FAAH2: variants seen among roughly 807,000 people sequenced by gnomAD.
FAAH2 encodes fatty-acid amide hydrolase 2.
In FAAH2, 60 loss-of-function variants were observed where a neutral mutation model predicts 36.9. That is an observed-to-expected ratio of 1.63 (90% CI 1.32 to 2.02). The LOEUF (loss-of-function observed/expected upper bound fraction) is 2.02, where lower values mean the gene tolerates loss of function less well. Among genes scored for constraint, FAAH2 ranks in the 30% most tolerant of loss-of-function variants. FAAH2 has a pLI of 0.00. For synonymous variants in FAAH2, 214 were observed against 143.8 expected (o/e 1.49, Z -3.49); for missense variants, 689 against 397.5 (o/e 1.73, Z -6.23).
chrX:57,216,934 A>G, the FAAH2 span, among the ~76,000 whole-genome samples: 3 of 108,455 alleles, frequency 2.8e-5, no homozygotes, highest in African/African-American at 1.0e-4. Flanking sequence ...TTACACCAAC[A>G]TCTACTGTTT....
chrX:57,416,701 T>C (rs2055853649), intron 7 of FAAH2, among the ~76,000 whole-genome samples: 1 of 111,614 alleles, frequency 9.0e-6, no homozygotes, highest in Admixed American at 9.6e-5. Flanking sequence ...GACGATTATG[T>C]GTCTTGGGGT....
chrX:57,255,249 T>A, the FAAH2 span, among the ~76,000 whole-genome samples: 2 of 111,173 alleles, frequency 1.8e-5, no homozygotes, highest in African/African-American at 6.5e-5. Context: ...CTCTGAGTAG[T>A]CTAATAACAG....
intron 7 of FAAH2, among the ~76,000 whole-genome samples, chrX:57,403,958 C>A (rs1165492147): frequency 2.7e-5 from 3 of 112,708 alleles, no homozygotes; most frequent in African/African-American, 9.7e-5. Flanking sequence ...TACCTTTTTG[C>A]TTTTTTGACT....
intron 8 of FAAH2, among the ~76,000 whole-genome samples, chrX:57,433,913 T>C (rs1167740149): frequency 2.7e-5 from 3 of 111,451 alleles, no homozygotes; most frequent in Non-Finnish European, 3.8e-5. Flanking sequence ...CCCTGGTTGC[T>C]CAGAAATCAA....
chrX:57,464,914 C>A (rs1274419386), intron 10 of FAAH2, among the ~76,000 whole-genome samples: 1 of 111,506 alleles, frequency 9.0e-6, no homozygotes, highest in Non-Finnish European at 1.9e-5. Context: ...ATTCTTTTAT[C>A]TTGGACTTAG....
intron 5 of FAAH2, among the ~76,000 whole-genome samples, chrX:57,349,140 A>C (rs1262714433): frequency 1.2e-5 from 1 of 84,638 alleles, no homozygotes; most frequent in African/African-American, 3.8e-5. Flanking sequence ...TATATATATT[A>C]TATACATATA....
At chrX:57,262,652 G>C in the FAAH2 span, among the ~76,000 whole-genome samples, 1 of 111,230 alleles carries the variant, frequency 9.0e-6, no homozygotes, top group African/African-American at 3.3e-5. Context: ...TCTAAATAAA[G>C]ATAGTCTAAT....
At chrX:57,414,745 C>G (rs1047372061) in intron 7 of FAAH2, among the ~76,000 whole-genome samples, 36 of 109,979 alleles carry the variant, frequency 3.3e-4, no homozygotes, top group African/African-American at 1.1e-3. Flanking sequence ...TGAGTTAGGG[C>G]GGATTCCCTC....
At position 57,292,540 on chromosome X, in the gene FAAH2, A is replaced by G. The variant is rs1205325585; in HGVS notation, c.235A>G (p.Lys79Glu). Residue 79 changes from lysine to glutamate, a missense_variant, in exon 2 of 11, where the codon AAG becomes GAG. Coordinates refer to ENST00000374900, the MANE Select transcript of FAAH2 (RefSeq NM_174912.4). Reference protein sequence around the residue: ...DVVQAYINRIKDVNPMINGIV... With the variant: ...DVVQAYINRIEDVNPMINGIV... ...TGTTCAGGCTTATATCAACAGAATCAAGGACGTGAACCCAATGATCAATGG... is the reference window on the plus strand; with the variant it reads ...TGTTCAGGCTTATATCAACAGAATCGAGGACGTGAACCCAATGATCAATGG... The G allele has an allele frequency of 1.7e-6, 2 of 1,210,322 alleles. No homozygotes were observed. Among genetic ancestry groups the G allele is most frequent in the South Asian group, 1.8e-5 (1 of 56,727 alleles).
the FAAH2 span, chrX:57,127,198 T>C: frequency 9.0e-6 from 1 of 111,526 alleles, no homozygotes; most frequent in Non-Finnish European, 1.9e-5. Flanking sequence ...TTTTAAGTTA[T>C]ATGAAACAAT....
At chrX:57,241,956 A>T in the FAAH2 span, among the ~76,000 whole-genome samples, 1 of 111,383 alleles carries the variant, frequency 9.0e-6, no homozygotes, top group South Asian at 3.8e-4. Context: ...GCTTATAGAT[A>T]AAATTCCCAT....
chrX:57,402,208 G>A (rs777122337), intron 7 of FAAH2, among the ~76,000 whole-genome samples: 29 of 112,091 alleles, frequency 2.6e-4, no homozygotes, highest in Middle Eastern at 4.6e-3. Flanking sequence ...GAGGACCTTC[G>A]TCCCCTGGGG....
chrX:57,423,997 C>T (rs1229995431), intron 7 of FAAH2, among the ~76,000 whole-genome samples: 1 of 111,468 alleles, frequency 9.0e-6, no homozygotes, highest in African/African-American at 3.3e-5. Flanking sequence ...TAGCATAGCA[C>T]TCAGAAAGGA....
rs187337697 is a variant in FAAH2 at position 57,305,551 on chromosome X, C to G, written c.276-5042C>G. Among the ~76,000 whole-genome samples the G allele has an allele frequency of 5.5e-4, 61 of 111,386 alleles. No individual in the cohort carries two copies. The East Asian group carries it at 0.016, about 30-fold the overall frequency. On this transcript the variant is annotated intron_variant, in intron 2 of 10. Coordinates refer to ENST00000374900, the MANE Select transcript of FAAH2 (RefSeq NM_174912.4). ...TGTTTCTAGTTTTGCTCTCCCTTCC[C>G]CATACTTTTTATTTTGCAAAAGCCA...
chrX:57,412,780 A>G (rs1329008491), intron 7 of FAAH2, among the ~76,000 whole-genome samples: 1 of 111,490 alleles, frequency 9.0e-6, no homozygotes, highest in East Asian at 2.8e-4. Flanking sequence ...CTGGTTCTAG[A>G]TCCTCGAGGA....
intron 7 of FAAH2, chrX:57,393,809 A>G (rs2055225806): frequency 1.1e-6 from 1 of 870,267 alleles, no homozygotes; most frequent in Admixed American, 2.2e-5. Flanking sequence ...AGCCTGTCCA[A>G]TCGTGATCTT....
At chrX:57,241,875 A>T in the FAAH2 span, among the ~76,000 whole-genome samples, 2 of 111,383 alleles carry the variant, frequency 1.8e-5, no homozygotes, top group Non-Finnish European at 3.8e-5. Context: ...AGCTATGGCC[A>T]GACTGCCTTA....
In FAAH2 at chrX:57,286,735, A is replaced by G. The variant is rs17251337; in HGVS notation, c.-91A>G. The G allele has an allele frequency of 1.1e-6, 1 of 891,706 alleles. No homozygotes were observed. The highest frequency in any genetic ancestry group is 2.1e-5 in the African/African-American group (1 of 48,419). 73.5% of individuals were successfully genotyped at this position (891,706 alleles called of 1,213,427 possible). ...ACTGGACTTGTAAACGAAAAGCTTC[A>G]TAAGTCCCTCTTTGCTTAGTACTTT... On this transcript the variant is annotated 5_prime_UTR_variant, in exon 1 of 11. Transcript: ENST00000374900.
the FAAH2 span, among the ~76,000 whole-genome samples, chrX:57,233,197 C>T: frequency 9.0e-6 from 1 of 111,452 alleles, no homozygotes; most frequent in Admixed American, 9.5e-5. Flanking sequence ...CATTTTGTGT[C>T]ATTGTTCCCT....
Sources: gnomAD v4.1 joint callset for allele counts (sites outside exome capture counted in the v4.1 genomes callset) on GRCh38, gnomAD v4.1.1 for gene constraint, MANE v1.5 for transcripts, NCBI Gene and HGNC (gene_info 2026-07-23, HGNC 2026-07-21) for gene names.